RERE: variants seen among roughly 807,000 people sequenced by gnomAD.
The protein encoded by RERE is arginine-glutamic acid dipeptide repeats protein.
Under a neutral mutation model 146.1 loss-of-function variants are expected in RERE, and 40 were observed. The observed-to-expected ratio is 0.27, with a 90% confidence interval of 0.21 to 0.36. RERE has a LOEUF of 0.36. RERE is among the 10% of genes least tolerant of loss of function. RERE has a pLI of 1.00. For synonymous variants in RERE, 1,003 were observed against 866.0 expected (o/e 1.16, Z -2.78); for missense variants, 1,933 against 2,138.7 (o/e 0.90, Z 1.90).
At chr1:8,517,385 AT>A (rs1645434359) in intron 7 of RERE, among the ~76,000 whole-genome samples, 1 of 152,132 alleles carries the variant, frequency 6.6e-6, no homozygotes, top group Non-Finnish European at 1.5e-5. Flanking sequence ...CAAGTGACAT[AT>A]TTATTTTTTC....
intron 4 of RERE, among the ~76,000 whole-genome samples, chr1:8,607,404 A>C (rs1163670187): frequency 6.6e-6 from 1 of 151,330 alleles, no homozygotes; most frequent in African/African-American, 2.4e-5. Flanking sequence ...AAATACTACG[A>C]TATCCTAAAA....
At chr1:8,390,301 C>T (rs951095804) in intron 12 of RERE, among the ~76,000 whole-genome samples, 6 of 152,226 alleles carry the variant, frequency 3.9e-5, no homozygotes, top group African/African-American at 1.2e-4. Flanking sequence ...TCTGGCCAGT[C>T]GTCACCCCAC....
intron 1 of RERE, among the ~76,000 whole-genome samples, chr1:8,693,752 T>C (rs1639260234): frequency 1.3e-5 from 2 of 152,174 alleles, no homozygotes; most frequent in Non-Finnish European, 2.9e-5. Context: ...ACTTTAGTTA[T>C]AAATAATGTA....
At position 8,760,139 on chromosome 1, in the gene RERE, C is replaced by A. The variant is rs181439851; in HGVS notation, c.-145+57021G>T. On this transcript the variant is annotated intron_variant, in intron 1 of 22. Transcript: ENST00000400908. ...CTCCCGGGTTCAAGCAATTCTCCTG[C>A]CTCAGCCTCCTGAGTAGCTGGGATT... Among the ~76,000 whole-genome samples the A allele has an allele frequency of 2.9e-3, 448 of 152,286 alleles. 3 individuals are homozygous for A. The highest frequency in any genetic ancestry group is 0.01 in the African/African-American group (427 of 41,552).
At chr1:8,702,454 A>G (rs1422996399) in intron 1 of RERE, among the ~76,000 whole-genome samples, 2 of 152,234 alleles carry the variant, frequency 1.3e-5, no homozygotes, top group Non-Finnish European at 2.9e-5. Context: ...CAAGGAAGAC[A>G]GCATCCCACA....
Position 8,423,670 on chromosome 1 carries a change from A to G in RERE, c.1204-863T>C. ...GCCTGTCACTGGGCTCCGGCTCCACAAAGCGCAGGGCGGAGGCGGCCGCGG... is the reference window on the plus strand; with the variant it reads ...GCCTGTCACTGGGCTCCGGCTCCACGAAGCGCAGGGCGGAGGCGGCCGCGG... On this transcript the variant is annotated intron_variant, in intron 11 of 22. Transcript: ENST00000400908. The surrounding 1 kb of genome is among the most constrained non-coding windows in gnomAD (Gnocchi z 5.4). 2.0e-6 allele frequency: 2 copies of G among 983,886 alleles called. No homozygotes were observed. The highest frequency in any genetic ancestry group is 4.7e-5 in the South Asian group (1 of 21,298). The allele number at this position is 983,886 out of a possible 1,614,324, so 60.9% of individuals were successfully genotyped here. A position where few individuals can be genotyped will look rare whatever the true frequency, so the allele number is the denominator to read the frequency against.
At chr1:8,793,460 A>G (rs1231023693) in intron 1 of RERE, among the ~76,000 whole-genome samples, 2 of 152,354 alleles carry the variant, frequency 1.3e-5, no homozygotes, top group Non-Finnish European at 1.5e-5. Context: ...GGCAATCAGC[A>G]TCCCAGAAAA....
At chr1:8,516,249 A>AAAAAAAAAAAAAAAAAAAAC (rs1645415857) in intron 7 of RERE, among the ~76,000 whole-genome samples, 1 of 148,944 alleles carries the variant, frequency 6.7e-6, no homozygotes, top group African/African-American at 2.5e-5. Flanking sequence ...AAAAAAAAAA[A>AAAAAAAAAAAAAAAAAAAAC]TCTAGGTGTA....
chr1:8,574,045 A>G (rs1489306926), intron 4 of RERE, among the ~76,000 whole-genome samples: 1 of 152,020 alleles, frequency 6.6e-6, no homozygotes, highest in Non-Finnish European at 1.5e-5. Context: ...GGCTCAAGCA[A>G]TCCTCCCTCC....
At chr1:8,387,384 T>C (rs1000125707) in intron 12 of RERE, among the ~76,000 whole-genome samples, 5 of 152,220 alleles carry the variant, frequency 3.3e-5, no homozygotes, top group Non-Finnish European at 5.9e-5. Context: ...ACAGTAAGTA[T>C]AGGAGACTGC....
chr1:8,440,671 T>C (rs1242799610), intron 11 of RERE, among the ~76,000 whole-genome samples: 1 of 146,980 alleles, frequency 6.8e-6, no homozygotes, highest in Non-Finnish European at 1.5e-5. Flanking sequence ...GCGGATCACC[T>C]AACGTCGAGT....
At chr1:8,790,268 C>T (rs1243984646) in intron 1 of RERE, among the ~76,000 whole-genome samples, 1 of 151,932 alleles carries the variant, frequency 6.6e-6, no homozygotes, top group African/African-American at 2.4e-5. Flanking sequence ...TAAAGGACAC[C>T]CCCCCAAAAA....
At chr1:8,538,565 G>T (rs1338540097) in intron 7 of RERE, among the ~76,000 whole-genome samples, 2 of 152,218 alleles carry the variant, frequency 1.3e-5, no homozygotes, top group East Asian at 3.8e-4. Flanking sequence ...ACACCAGCAA[G>T]CCAAGGCAGT....
At position 8,559,280 on chromosome 1, in the gene RERE, C is replaced by CAAAAAAAAAAAAAAAAAAAAAAAAAAAA. The variant is rs548075266; in HGVS notation, c.523-1758_523-1757insTTTTTTTTTTTTTTTTTTTTTTTTTTTT. Among the ~76,000 whole-genome samples, 26 of 12,074 alleles carry CAAAAAAAAAAAAAAAAAAAAAAAAAAAA rather than the reference C, an allele frequency of 2.2e-3. 3 individuals carry two copies. Among genetic ancestry groups the CAAAAAAAAAAAAAAAAAAAAAAAAAAAA allele is most frequent in the Admixed American group, 4.1e-3 (3 of 726 alleles). 7.9% of individuals were successfully genotyped at this position (12,074 alleles called of 152,430 possible). Reference sequence around the variant, plus strand: ...GGGCAACAAGAGCAAAACTCCAGCTCAAAAAAAAAAAAAAAAAAAAAAAAC... The same window carrying CAAAAAAAAAAAAAAAAAAAAAAAAAAAA: ...GGGCAACAAGAGCAAAACTCCAGCTCAAAAAAAAAAAAAAAAAAAAAAAAAAAAAAAAAAAAAAAAAAAAAAAAAAAAC... On this transcript the variant is annotated intron_variant, in intron 4 of 22. Transcript: ENST00000400908.
intron 4 of RERE, among the ~76,000 whole-genome samples, chr1:8,564,325 T>C (rs1646113638): frequency 6.6e-6 from 1 of 152,230 alleles, no homozygotes; most frequent in Non-Finnish European, 1.5e-5. Context: ...ATGAGATATC[T>C]TGGGGATGGG....
In RERE at chr1:8,622,510, A is replaced by AAAC. The variant is rs1553123240; in HGVS notation, c.396+1799_396+1800insGTT. Among the ~76,000 whole-genome samples, 524 of 76,538 alleles carry AAAC rather than the reference A, an allele frequency of 6.8e-3. 2 individuals are homozygous for AAAC. Among genetic ancestry groups the AAAC allele is most frequent in the Middle Eastern group, 0.015 (3 of 194 alleles). The allele number at this position is 76,538 out of a possible 152,430, so 50.2% of individuals were successfully genotyped here. ...TTAAAAAAAAAAAAAAAAAAAAAAA[A>AAAC]ACACACTTTGGAAGGAAAGATATAA... On this transcript the variant is annotated intron_variant, in intron 3 of 22. Transcript: ENST00000400908.
At chr1:8,646,552 C>CAAAA (rs1228451345) in intron 2 of RERE, among the ~76,000 whole-genome samples, 1 of 146,304 alleles carries the variant, frequency 6.8e-6, no homozygotes, top group African/African-American at 2.6e-5. Flanking sequence ...AAAAAACAAA[C>CAAAA]AAACAAAAAA....
intron 3 of RERE, among the ~76,000 whole-genome samples, chr1:8,622,651 G>T (rs532461443): frequency 1.3e-5 from 2 of 152,192 alleles, no homozygotes; most frequent in African/African-American, 2.4e-5. Flanking sequence ...ATGCAACCAG[G>T]AAAGTTAAAA....
intron 1 of RERE, among the ~76,000 whole-genome samples, chr1:8,775,111 C>T (rs1201655350): frequency 6.6e-6 from 1 of 151,780 alleles, no homozygotes; most frequent in Non-Finnish European, 1.5e-5. Context: ...CAGGCGCACG[C>T]CACCACGCCC....
Sources: gnomAD v4.1 joint callset for allele counts (sites outside exome capture counted in the v4.1 genomes callset) on GRCh38, gnomAD v4.1.1 for gene constraint, Gnocchi (gnomAD v3.1) non-coding constraint, MANE v1.5 for transcripts, NCBI Gene and HGNC (gene_info 2026-07-23, HGNC 2026-07-21) for gene names.